The following NCF2 variants were observed in gnomAD, a reference collection of about 807,000 sequenced individuals.
NCF2 encodes neutrophil cytosolic factor 2.
In NCF2, 45 loss-of-function variants were observed where a neutral mutation model predicts 70.9. The ratio of observed to expected loss-of-function variants is 0.63; its 90% CI spans 0.50 to 0.81. The LOEUF is 0.81. Ranked by LOEUF, NCF2 falls within the 40% of genes least tolerant of loss-of-function variation. The probability of loss-of-function intolerance (pLI) is 0.00; values close to 1 mark genes in which losing one functional copy is unlikely to be tolerated. For synonymous variants in NCF2, 203 were observed against 233.6 expected (o/e 0.87, Z 1.19); for missense variants, 522 against 631.6 (o/e 0.83, Z 1.86).
chr1:183,579,738 CAAAAAAAAAAAAAA>C lies in NCF2; in HGVS notation c.258-2045_258-2032del, dbSNP rs397982209. Among the ~76,000 whole-genome samples the C allele has an allele frequency of 1.5e-4, 6 of 38,868 alleles. No individual in the cohort carries two copies. The South Asian group carries it at 5.4e-3, about 35-fold the overall frequency. 25.5% of individuals were successfully genotyped at this position (38,868 alleles called of 152,430 possible). The stretch of plus-strand genomic sequence containing the variant: ...TGGGTGACAGAGTGAGACTCTGTCT[CAAAAAAAAAAAAAA>C]AAAAAAAAAAAAGAGAATAATAACA... On this transcript the variant is annotated intron_variant, in intron 2 of 14. Transcript: ENST00000367535.
At chr1:183,590,497 C>T, upstream of NCF2, 1 of 733,884 alleles carries the variant, frequency 1.4e-6, no homozygotes, top group Non-Finnish European at 2.4e-6. Context: ...CTCAGTGTTG[C>T]AAATGCATCA....
intron 2 of NCF2, among the ~76,000 whole-genome samples, chr1:183,582,908 A>C (rs1401633177): frequency 3.3e-5 from 5 of 152,158 alleles, no homozygotes; most frequent in Admixed American, 1.3e-4. Context: ...AATGTGCTCT[A>C]ACTTTGTTCT....
At chr1:183,557,055 A>G (rs1295537423) in intron 14 of NCF2, among the ~76,000 whole-genome samples, 2 of 152,242 alleles carry the variant, frequency 1.3e-5, no homozygotes, top group Non-Finnish European at 2.9e-5. Flanking sequence ...AGAGCCTTTA[A>G]TAGAGTGCAG....
rs1572154689 is a variant in NCF2, at chr1:183,566,917, T to C, written c.924+3A>G. On this transcript the variant is annotated splice_donor_region_variant and intron_variant, in intron 9 of 14. Coordinates refer to ENST00000367535, the MANE Select transcript of NCF2 (RefSeq NM_000433.4). The stretch of plus-strand genomic sequence containing the variant: ...AATGGGTCAGGCCTTGGCATCACAT[T>C]ACCTGGGGCTGCTGCTGAGGGTGGA... 1 of 1,613,876 alleles carries C rather than the reference T, an allele frequency of 6.2e-7. No homozygotes were observed. Among genetic ancestry groups the C allele is most frequent in the African/African-American group, 1.3e-5 (1 of 75,034 alleles).
At chr1:183,573,589 G>A (rs1203401667) in intron 4 of NCF2, among the ~76,000 whole-genome samples, 1 of 152,152 alleles carries the variant, frequency 6.6e-6, no homozygotes, top group African/African-American at 2.4e-5. Context: ...CTCTCATGGT[G>A]TAGAGGGCAC....
At chr1:183,583,177 C>A (rs1447763405) in intron 2 of NCF2, among the ~76,000 whole-genome samples, 1 of 152,120 alleles carries the variant, frequency 6.6e-6, no homozygotes, top group Non-Finnish European at 1.5e-5. Context: ...CTCAGCGTCC[C>A]AAGTAGCTGG....
the NCF2 span, among the ~76,000 whole-genome samples, chr1:183,601,310 G>A: frequency 1.3e-5 from 2 of 152,082 alleles, no homozygotes; most frequent in African/African-American, 4.8e-5. Context: ...ATTTTCTGTC[G>A]TATAATGAGT....
chr1:183,573,625 C>G (rs1471890523), intron 4 of NCF2, among the ~76,000 whole-genome samples: 2 of 152,204 alleles, frequency 1.3e-5, no homozygotes, highest in Non-Finnish European at 1.5e-5. Flanking sequence ...GGCCCGGGAT[C>G]AAGCAAGGCT....
chr1:183,570,150 A>G (rs1672479413), intron 6 of NCF2, among the ~76,000 whole-genome samples: 2 of 152,240 alleles, frequency 1.3e-5, no homozygotes, highest in Admixed American at 1.3e-4. Context: ...ACTCTTGCCC[A>G]TCACAGGTTC....
At chr1:183,592,825 T>C (rs981666832), upstream of NCF2, among the ~76,000 whole-genome samples, 2 of 152,174 alleles carry the variant, frequency 1.3e-5, no homozygotes, top group African/African-American at 4.8e-5. Flanking sequence ...CCCCAGAACT[T>C]TCCTTCACAA....
In NCF2 at chr1:183,565,797, C is replaced by T. The variant is rs770383642; in HGVS notation, c.925-18G>A. On this transcript the variant is annotated intron_variant, in intron 9 of 14. Transcript: ENST00000367535. ...CTTTCCTCCTGAAGGCAACAGGGAG[C>T]GACGGTCAGAACCTTCATTCAAAGT... 1.6e-5 allele frequency: 26 copies of T among 1,613,246 alleles called. No homozygotes were observed. Among genetic ancestry groups the T allele is most frequent in the South Asian group, 5.5e-5 (5 of 91,066 alleles).
intron 13 of NCF2, among the ~76,000 whole-genome samples, chr1:183,561,884 G>T (rs542832503): frequency 3.7e-5 from 5 of 134,984 alleles, no homozygotes; most frequent in Non-Finnish European, 3.0e-5. Flanking sequence ...TGTAACCTCC[G>T]CCTCCTGGGT....
In NCF2 at chr1:183,590,140, A is replaced by T; in HGVS notation, c.174+16T>A. ...AAATGCACAGAGGAGGCCCGGAAAG[A>T]GGCACCTCCACTCACCTTCTCTGCT... On this transcript the variant is annotated intron_variant, in intron 1 of 14. Transcript: ENST00000367535. The T allele has an allele frequency of 6.2e-7, 1 of 1,614,118 alleles. No individual in the cohort carries two copies. The highest frequency in any genetic ancestry group is 1.1e-5 in the South Asian group (1 of 91,076).
chr1:183,563,970 C>G lies in NCF2; in HGVS notation c.1026+35G>C, dbSNP rs200736155. On this transcript the variant is annotated intron_variant, in intron 11 of 14. Coordinates refer to ENST00000367535, the MANE Select transcript of NCF2 (RefSeq NM_000433.4). ...TTGATAGCCCAAGCTATCCCATCTT[C>G]TACCACTTGAAACAGTATGAGGGAA... is the stretch of plus-strand genomic sequence containing the variant. 1.8e-4 allele frequency: 280 copies of G among 1,583,692 alleles called. 2 individuals carry two copies. Among genetic ancestry groups the G allele is most frequent in the Non-Finnish European group, 6.9e-6 (8 of 1,152,210 alleles).
intron 2 of NCF2, among the ~76,000 whole-genome samples, chr1:183,583,711 A>T (rs1034775916): frequency 1.4e-4 from 22 of 152,342 alleles, no homozygotes; most frequent in African/African-American, 5.3e-4. Context: ...GGCTCAAAAG[A>T]GGGAGCAGAC....
chr1:183,566,670 C>T (rs1311065960), intron 9 of NCF2, among the ~76,000 whole-genome samples: 1 of 152,200 alleles, frequency 6.6e-6, no homozygotes, highest in African/African-American at 2.4e-5. Context: ...GACTTCTGAC[C>T]AGGAAGAGTC....
At chr1:183,567,527 T>A (rs747834710) in intron 7 of NCF2, 182 bp from the exon 8 acceptor site, 3 of 805,018 alleles carry the variant, frequency 3.7e-6, no homozygotes, top group Non-Finnish European at 6.5e-6. Flanking sequence ...GAAACTGGTG[T>A]ACACCTGCTC....
rs1431485627 is a variant in NCF2 at position 183,577,626 on chromosome 1, C to G, written c.339G>C (p.Gly113=). The G allele has an allele frequency of 6.2e-7, 1 of 1,613,838 alleles. No individual in the cohort carries two copies. The highest frequency in any genetic ancestry group is 1.7e-5 in the Admixed American group (1 of 60,018). The part of the protein sequence containing the change: ...GNQLIDYKIL[G]LQFKLFACEV... ...CACAGGCAAACAGCTTGAACTGGAG[C>G]CCCAGGATCTTATAGTCTATCAGCT... The change falls in exon 3 of 15, where the codon GGG becomes GGC. Residue 113 remains glycine, a synonymous_variant. Coordinates refer to ENST00000367535, the MANE Select transcript of NCF2 (RefSeq NM_000433.4).
intron 8 of NCF2, 102 bp downstream of exon 8, chr1:183,567,102 C>G: frequency 6.2e-7 from 1 of 1,607,468 alleles, no homozygotes. Context: ...GACAAAAGAA[C>G]TTGGCTGGTC....
Sources: gnomAD v4.1 joint callset for allele counts (sites outside exome capture counted in the v4.1 genomes callset) on GRCh38, gnomAD v4.1.1 for gene constraint, MANE v1.5 for transcripts, NCBI Gene and HGNC (gene_info 2026-07-23, HGNC 2026-07-21) for gene names.